The following DLG2 variants were observed in gnomAD, a reference collection of about 807,000 sequenced individuals.
DLG2 encodes discs large MAGUK scaffold protein 2.
A neutral mutation model predicts 132.5 loss-of-function variants in DLG2; 45 were observed. The observed-to-expected ratio is 0.34, with a 90% CI of 0.27 to 0.44. The LOEUF (loss-of-function observed/expected upper bound fraction) is 0.44. DLG2 is among the 20% of genes least tolerant of loss of function. The probability of loss-of-function intolerance (pLI) is 1.00; values close to 1 mark genes in which losing one functional copy is unlikely to be tolerated. For missense variants in DLG2, 1,045 were observed against 1,196.9 expected, an observed-to-expected ratio of 0.87 and a Z score of 1.87; for synonymous variants, 424 against 419.6, an observed-to-expected ratio of 1.01 and a Z score of -0.13.
At chr11:84,353,108 A>T (rs965381330) in intron 7 of DLG2, among the ~76,000 whole-genome samples, 1 of 152,160 alleles carries the variant, frequency 6.6e-6, no homozygotes, top group East Asian at 1.9e-4. Context: ...ATTTGCAAAC[A>T]AACCTCTCAA....
chr11:84,317,877 C>T (rs990389464), intron 7 of DLG2, among the ~76,000 whole-genome samples: 5 of 152,132 alleles, frequency 3.3e-5, no homozygotes, highest in Non-Finnish European at 7.3e-5. Flanking sequence ...TTTTAAATCA[C>T]GATTATGCAT....
chr11:84,547,139 A>C (rs979417291), intron 6 of DLG2, among the ~76,000 whole-genome samples: 1 of 152,310 alleles, frequency 6.6e-6, no homozygotes, highest in South Asian at 2.1e-4. Flanking sequence ...CATGGAAGGC[A>C]CTTAGAAGAG....
In DLG2 at chr11:84,527,893, TTCTCTCTCTCTC is replaced by T. The variant is rs60170305; in HGVS notation, c.519+6665_519+6676del. On this transcript the variant is annotated intron_variant, in intron 7 of 27. Transcript: ENST00000376104. ...GAGGACAGCAGTTAACTCCCTCCCT[TTCTCTCTCTCTC>T]TCTCTCTCTCTCTCTCTCTCTCTCT... 3.3e-3 allele frequency among the ~76,000 whole-genome samples: 419 copies of T among 125,668 alleles called. 3 individuals carry two copies. The highest frequency in any genetic ancestry group is 0.01 in the African/African-American group (345 of 33,268). 82.4% of individuals were successfully genotyped at this position (125,668 alleles called of 152,430 possible). A position where few individuals can be genotyped will look rare whatever the true frequency, so the allele number is the denominator to read the frequency against.
At chr11:85,286,135 A>C (rs1289245996) in intron 3 of DLG2, 1 of 452,734 alleles carries the variant, frequency 2.2e-6, no homozygotes, top group Non-Finnish European at 4.4e-6. Context: ...ATAAAACCAA[A>C]GTCAAGGAAA....
At chr11:84,858,085 G>T (rs1044676916) in intron 6 of DLG2, among the ~76,000 whole-genome samples, 8 of 151,942 alleles carry the variant, frequency 5.3e-5, no homozygotes, top group African/African-American at 1.9e-4. Flanking sequence ...TAGAGATAAG[G>T]TTTCTCCATG....
At chr11:85,440,952 C>T (rs879118153) in intron 3 of DLG2, among the ~76,000 whole-genome samples, 28 of 152,294 alleles carry the variant, frequency 1.8e-4, no homozygotes, top group African/African-American at 4.3e-4. Context: ...TACCTTGTCA[C>T]GTCCATTTGA....
chr11:84,568,636 T>G (rs1013902269), intron 6 of DLG2, among the ~76,000 whole-genome samples: 9 of 152,156 alleles, frequency 5.9e-5, no homozygotes, highest in African/African-American at 2.2e-4. Context: ...ATGCCCAGCC[T>G]TAGATCCTAC....
chr11:85,382,283 A>C (rs981855458), intron 3 of DLG2, among the ~76,000 whole-genome samples: 1 of 152,164 alleles, frequency 6.6e-6, no homozygotes, highest in African/African-American at 2.4e-5. Flanking sequence ...TAATCTTTTC[A>C]ACAAATGTTT....
At chr11:85,257,136 C>T (rs2076711807) in intron 4 of DLG2, among the ~76,000 whole-genome samples, 2 of 152,086 alleles carry the variant, frequency 1.3e-5, no homozygotes, top group African/African-American at 4.8e-5. Flanking sequence ...TGAATAATTT[C>T]ATGATATCTA....
At chr11:85,506,201 G>A (rs1254480101) in intron 3 of DLG2, among the ~76,000 whole-genome samples, 5 of 152,000 alleles carry the variant, frequency 3.3e-5, no homozygotes. Flanking sequence ...AGGGTTTTTT[G>A]TATCTCTGTC....
chr11:83,612,235 G>A (rs1270507602), intron 19 of DLG2, among the ~76,000 whole-genome samples: 3 of 152,126 alleles, frequency 2.0e-5, no homozygotes, highest in Non-Finnish European at 4.4e-5. Context: ...GTTAGATTTT[G>A]GCTTGACTAT....
chr11:83,935,562 G>T (rs2081263429), intron 14 of DLG2, among the ~76,000 whole-genome samples: 1 of 152,110 alleles, frequency 6.6e-6, no homozygotes, highest in Middle Eastern at 3.4e-3. Flanking sequence ...TCTAGGGGAG[G>T]GATTGATCTA....
chr11:83,886,514 C>A (rs373348084), intron 15 of DLG2, among the ~76,000 whole-genome samples: 2 of 152,146 alleles, frequency 1.3e-5, no homozygotes, highest in Non-Finnish European at 2.9e-5. Flanking sequence ...CTTTAACACC[C>A]CACTGTCAAC....
At chr11:84,770,267 C>A (rs1208979019) in intron 6 of DLG2, among the ~76,000 whole-genome samples, 1 of 152,156 alleles carries the variant, frequency 6.6e-6, no homozygotes, top group Non-Finnish European at 1.5e-5. Context: ...GTCATGCTTC[C>A]TATACATCCT....
chr11:85,302,506 G>A (rs2079649778), intron 3 of DLG2, among the ~76,000 whole-genome samples: 1 of 152,086 alleles, frequency 6.6e-6, no homozygotes, highest in Non-Finnish European at 1.5e-5. Context: ...ATCCCAGACT[G>A]ACTGGTGATT....
At chr11:83,592,579 A>T (rs1486078992) in intron 19 of DLG2, among the ~76,000 whole-genome samples, 1 of 152,192 alleles carries the variant, frequency 6.6e-6, no homozygotes, top group African/African-American at 2.4e-5. Context: ...GGACATAGGC[A>T]TGGGCAAGGA....
At chr11:84,646,862 G>A (rs551091216) in intron 6 of DLG2, among the ~76,000 whole-genome samples, 3 of 152,200 alleles carry the variant, frequency 2.0e-5, no homozygotes, top group South Asian at 4.2e-4. Context: ...ATGTTATCCA[G>A]CGGATGTCTA....
At chr11:84,885,929 A>T (rs2154057969) in intron 6 of DLG2, among the ~76,000 whole-genome samples, 1 of 152,258 alleles carries the variant, frequency 6.6e-6, no homozygotes, top group Non-Finnish European at 1.5e-5. Flanking sequence ...TGGAAATTCA[A>T]TTAAATAAGC....
chr11:85,397,249 G>A (rs1291471522), intron 3 of DLG2, among the ~76,000 whole-genome samples: 1 of 152,110 alleles, frequency 6.6e-6, no homozygotes, highest in East Asian at 1.9e-4. Context: ...GTCACCACCA[G>A]GCATGCCTTA....
Sources: allele counts gnomAD v4.1 joint callset (sites outside exome capture counted in the v4.1 genomes callset), GRCh38; gene constraint gnomAD v4.1.1; transcripts MANE v1.5; gene names NCBI Gene and HGNC (gene_info 2026-07-23, HGNC 2026-07-21).